Variants in PISD observed in about 807,000 individuals in gnomAD.
PISD encodes the protein phosphatidylserine decarboxylase proenzyme, mitochondrial.
PISD carries 31 observed loss-of-function variants against 43.5 expected under a neutral mutation model. The observed-to-expected ratio is 0.71, with a 90% CI of 0.54 to 0.96. The LOEUF is 0.96. PISD is among the 40% of genes least tolerant of loss of function. The pLI is 0.00. For missense variants in PISD, 523 were observed against 548.4 expected (o/e 0.95, Z 0.46); for synonymous variants, 259 against 228.7 (o/e 1.13, Z -1.20).
At chr22:31,623,754 A>G in intron 3 of PISD, 6 of 1,614,184 alleles carry the variant, frequency 3.7e-6, no homozygotes, top group Non-Finnish European at 5.1e-6. Context: ...GTAGTAGAGG[A>G]CGGTCAAGGG....
intron 3 of PISD, among the ~76,000 whole-genome samples, chr22:31,643,510 A>C (rs2073796953): frequency 6.6e-6 from 1 of 152,206 alleles, no homozygotes; most frequent in Admixed American, 6.6e-5. Flanking sequence ...AAGGTGAAAG[A>C]AACATGTGAA....
In PISD at chr22:31,655,168, A is replaced by G. The variant is rs759930551; in HGVS notation, c.66-4390T>C. On this transcript the variant is annotated intron_variant, in intron 1 of 7. Coordinates refer to ENST00000439502, the MANE Select transcript of PISD (RefSeq NM_001326411.2). ...CTGCCCTGCCAATCAGGAACACCCA[A>G]TGCAGCTTTACAAGAGTGAGAAACT... Among the ~76,000 whole-genome samples, 83 of 151,878 alleles carry G rather than the reference A, an allele frequency of 5.5e-4. 1 individual carries two copies. The highest frequency in any genetic ancestry group is 1.1e-3 in the Non-Finnish European group (73 of 67,972).
At chr22:31,637,164 AATATATATATATAT>A (rs61010566) in intron 3 of PISD, among the ~76,000 whole-genome samples, 58 of 13,632 alleles carry the variant, frequency 4.3e-3, no homozygotes, top group East Asian at 0.017. Flanking sequence ...AAAAAAAAAA[AATATATATATATAT>A]ATATATATAT....
chr22:31,638,738 C>T, intron 3 of PISD: 1 of 402,294 alleles, frequency 2.5e-6, no homozygotes, highest in Non-Finnish European at 3.4e-6. Flanking sequence ...CTTCCTGCCT[C>T]AGCCTCTCAG....
At chr22:31,620,502 G>A in intron 7 of PISD, 51 bp downstream of exon 7, 1 of 1,578,994 alleles carries the variant, frequency 6.3e-7, no homozygotes, top group South Asian at 1.1e-5. Context: ...AAGGCAGGTA[G>A]ACCCAAGAGG....
At chr22:31,650,158 C>G (rs1569491954) in intron 2 of PISD, among the ~76,000 whole-genome samples, 1 of 152,174 alleles carries the variant, frequency 6.6e-6, no homozygotes, top group African/African-American at 2.4e-5. Flanking sequence ...GACCCCTTCA[C>G]ACCCATCGGA....
chr22:31,618,541 A>G lies in PISD; in HGVS notation c.*1071T>C. On this transcript the variant is annotated 3_prime_UTR_variant, in exon 8 of 8. Transcript: ENST00000439502. Reference sequence around the variant, plus strand: ...AAAATGCTTTGCAATTAAATGAATTACTGTTCAGAAGTCTCCCACTTTTCA... The same window carrying G: ...AAAATGCTTTGCAATTAAATGAATTGCTGTTCAGAAGTCTCCCACTTTTCA... 2 of 1,031,654 alleles carry G rather than the reference A, an allele frequency of 1.9e-6. No homozygotes were observed. Among genetic ancestry groups the G allele is most frequent in the Non-Finnish European group, 1.3e-6 (1 of 751,082 alleles). 63.9% of individuals were successfully genotyped at this position (1,031,654 alleles called of 1,614,324 possible).
In PISD at chr22:31,630,688, C is replaced by T; in HGVS notation, c.322-8803G>A. The T allele has an allele frequency of 1.0e-6, 1 of 977,096 alleles. No homozygotes were observed. Among genetic ancestry groups the T allele is most frequent in the South Asian group, 4.7e-5 (1 of 21,142 alleles). 60.5% of individuals were successfully genotyped at this position (977,096 alleles called of 1,614,324 possible). ...GGGAGAGCCCACCTGCGACCGAAGGCCCTAGAAGGGCACCCCCACCCGGCA... is the reference window on the plus strand; with the variant it reads ...GGGAGAGCCCACCTGCGACCGAAGGTCCTAGAAGGGCACCCCCACCCGGCA... On this transcript the variant is annotated intron_variant, in intron 3 of 7. Transcript: ENST00000439502. The surrounding 1 kb of genome is among the most constrained non-coding windows in gnomAD (Gnocchi z 4.4).
At position 31,630,007 on chromosome 22, in the gene PISD, GCTGA is replaced by G. The variant is rs1175558804; in HGVS notation, c.322-8126_322-8123del. 6 of 152,520 alleles carry G rather than the reference GCTGA, an allele frequency of 3.9e-5. No individual in the cohort carries two copies. Among genetic ancestry groups the G allele is most frequent in the Admixed American group, 6.5e-5 (1 of 15,296 alleles). The allele number at this position is 152,520 out of a possible 1,614,324, so 9.4% of individuals were successfully genotyped here. The stretch of plus-strand genomic sequence containing the variant: ...CCGGGGGCGAGGGTGGGGGCAAGGG[GCTGA>G]CTTTCTCCCCAGCTCAGCTGAGGCC... On this transcript the variant is annotated intron_variant, in intron 3 of 7. Transcript: ENST00000439502. This position sits in a 1 kb window ranked among gnomAD's most constrained non-coding sequence, Gnocchi z 4.4.
intron 3 of PISD, among the ~76,000 whole-genome samples, chr22:31,642,152 C>A (rs1056254314): frequency 2.6e-5 from 4 of 151,250 alleles, no homozygotes; most frequent in African/African-American, 9.9e-5. Flanking sequence ...GACCTGGGCG[C>A]CTGTCACCAC....
intron 3 of PISD, among the ~76,000 whole-genome samples, chr22:31,625,122 G>A (rs191355996): frequency 2.6e-5 from 4 of 152,336 alleles, no homozygotes; most frequent in South Asian, 2.1e-4. Context: ...CCCAGTTGCT[G>A]AGCAAACCAA....
intron 1 of PISD, among the ~76,000 whole-genome samples, chr22:31,660,439 G>A (rs2074285510): frequency 6.6e-6 from 1 of 152,252 alleles, no homozygotes; most frequent in Middle Eastern, 3.4e-3. Flanking sequence ...GATCACTTGA[G>A]CCCAGGAGTT....
chr22:31,624,144 G>A (rs1409737003), intron 3 of PISD, among the ~76,000 whole-genome samples: 1 of 152,192 alleles, frequency 6.6e-6, no homozygotes, highest in African/African-American at 2.4e-5. Flanking sequence ...AGGAGAGTCA[G>A]GCCCAGCTGC....
intron 3 of PISD, among the ~76,000 whole-genome samples, chr22:31,627,801 C>G (rs536237671): frequency 1.3e-5 from 2 of 152,234 alleles, no homozygotes; most frequent in Non-Finnish European, 2.9e-5. Context: ...CTTGGGTTCT[C>G]AAAGCAGGTT....
At chr22:31,650,886 G>A (rs2074012559) in intron 1 of PISD, 108 bp from the exon 2 acceptor site, 1 of 662,662 alleles carries the variant, frequency 1.5e-6, no homozygotes, top group Non-Finnish European at 2.6e-6. Context: ...CAATGTAAAT[G>A]TCTTGGTTTT....
chr22:31,624,990 C>T (rs530560192), intron 3 of PISD, among the ~76,000 whole-genome samples: 21 of 152,198 alleles, frequency 1.4e-4, no homozygotes, highest in Admixed American at 4.6e-4. Context: ...AGCAGGAGAC[C>T]ACACTGCCAT....
At position 31,650,709 on chromosome 22, in the gene PISD, G is replaced by A; in HGVS notation, c.135C>T (p.Ala45=). The A allele has an allele frequency of 6.5e-7, 1 of 1,548,502 alleles. No homozygotes were observed. The highest frequency in any genetic ancestry group is 8.7e-7 in the Non-Finnish European group (1 of 1,143,898). Residue 45 remains alanine, a synonymous_variant, in exon 2 of 8, where the codon GCC becomes GCT. Transcript: ENST00000439502. The part of the protein sequence containing the change: ...LQPLRKLPFR[A]FRTDARKIHT... ...CTAATTGCTCCTTACCTGTGCGAAA[G>A]GCTCTAAAAGGCAGCTTCCGTAAGG...
intron 3 of PISD, among the ~76,000 whole-genome samples, chr22:31,637,727 G>A (rs1241350681): frequency 6.6e-6 from 1 of 152,212 alleles, no homozygotes; most frequent in Non-Finnish European, 1.5e-5. Context: ...TTCCCATGCT[G>A]ACTCAGTCTG....
intron 3 of PISD, among the ~76,000 whole-genome samples, chr22:31,628,525 A>G (rs2073027876): frequency 1.3e-5 from 2 of 152,192 alleles, no homozygotes; most frequent in Admixed American, 1.3e-4. Context: ...GTTGTGACCA[A>G]TAGGACTTTA....
Sources: gnomAD v4.1 joint callset for allele counts (sites outside exome capture counted in the v4.1 genomes callset) on GRCh38, gnomAD v4.1.1 for gene constraint, Gnocchi (gnomAD v3.1) non-coding constraint, MANE v1.5 for transcripts, NCBI Gene and HGNC (gene_info 2026-07-23, HGNC 2026-07-21) for gene names.